FGF13: variants seen among roughly 807,000 people sequenced by gnomAD.
FGF13 encodes fibroblast growth factor 13.
In FGF13, 2 loss-of-function variants were observed where a neutral mutation model predicts 19.5. The observed-to-expected ratio is 0.10, with a 90% confidence interval of 0.04 to 0.32. FGF13 has a LOEUF of 0.32. Among genes scored for constraint, FGF13 ranks in the 10% least tolerant of loss-of-function variants. FGF13 has a pLI of 1.00. For synonymous variants in FGF13, 72 were observed against 76.9 expected (o/e 0.94, Z 0.33); for missense variants, 113 against 192.7 (o/e 0.59, Z 2.45).
chrX:139,036,552 C>A (rs2092251212), intron 1 of FGF13, among the ~76,000 whole-genome samples: 1 of 111,424 alleles, frequency 9.0e-6, no homozygotes, highest in African/African-American at 3.3e-5. Flanking sequence ...CACCCCACAT[C>A]CTTTTCCTCA....
intron 1 of FGF13, among the ~76,000 whole-genome samples, chrX:139,035,030 A>G (rs1223494398): frequency 1.8e-5 from 2 of 111,928 alleles, no homozygotes; most frequent in Middle Eastern, 4.2e-3. Context: ...CGCAGTATAA[A>G]CATCGCTTGG....
intron 3 of FGF13, among the ~76,000 whole-genome samples, chrX:138,823,097 G>T (rs1188747277): frequency 9.0e-6 from 1 of 111,691 alleles, no homozygotes; most frequent in Non-Finnish European, 1.9e-5. Flanking sequence ...AGGCGTGAAA[G>T]TTCACAGCCT....
chrX:138,979,604 A>G (rs1397401543), intron 1 of FGF13, among the ~76,000 whole-genome samples: 1 of 110,167 alleles, frequency 9.1e-6, no homozygotes, highest in Non-Finnish European at 1.9e-5. Context: ...CATACTTCTC[A>G]TCCTGAATTT....
chrX:139,033,044 A>AC (rs1206510661), intron 1 of FGF13, among the ~76,000 whole-genome samples: 2 of 102,641 alleles, frequency 1.9e-5, no homozygotes, highest in East Asian at 3.0e-4. Flanking sequence ...AAAAAAAAAA[A>AC]AAAAAAAAAA....
chrX:138,910,073 C>A (rs554973077), intron 1 of FGF13, among the ~76,000 whole-genome samples: 1 of 111,337 alleles, frequency 9.0e-6, no homozygotes, highest in Non-Finnish European at 1.9e-5. Context: ...AGAAGTTAAT[C>A]TAGCCCACCA....
chrX:138,920,034 T>A (rs781375451), intron 1 of FGF13, among the ~76,000 whole-genome samples: 4 of 111,574 alleles, frequency 3.6e-5, no homozygotes, highest in East Asian at 5.6e-4. Flanking sequence ...AAAAATTTTT[T>A]AAAAATTAAG....
intron 1 of FGF13, among the ~76,000 whole-genome samples, chrX:139,167,339 G>A (rs2084094984): frequency 9.0e-6 from 1 of 111,683 alleles, no homozygotes; most frequent in Non-Finnish European, 1.9e-5. Flanking sequence ...ATTTAATCAA[G>A]AGAAGATATA....
At chrX:138,770,767 C>T (rs967828331) in intron 3 of FGF13, among the ~76,000 whole-genome samples, 3 of 111,904 alleles carry the variant, frequency 2.7e-5, no homozygotes, top group African/African-American at 9.8e-5. Context: ...TTTTATGAAT[C>T]AGGGCCAAGA....
intron 3 of FGF13, among the ~76,000 whole-genome samples, chrX:138,771,604 C>T (rs1466859655): frequency 9.0e-6 from 1 of 110,995 alleles, no homozygotes; most frequent in East Asian, 2.8e-4. Flanking sequence ...CCTGGTACTT[C>T]CCCTCCAGAA....
In FGF13 at chrX:138,625,933, C is replaced by G. The variant is rs2089060014; in HGVS notation, c.*6917G>C. 1 of 110,703 alleles carries G rather than the reference C, an allele frequency of 9.0e-6. No homozygotes were observed. The highest frequency in any genetic ancestry group is 1.9e-5 in the Non-Finnish European group (1 of 52,898). 9.1% of individuals were successfully genotyped at this position (110,703 alleles called of 1,213,427 possible). ...ACTGCCCCTATAACTTGAGGAATTCCTTTTTGAGCAGGCAAAATACAGATT... is the reference window on the plus strand; with the variant it reads ...ACTGCCCCTATAACTTGAGGAATTCGTTTTTGAGCAGGCAAAATACAGATT... On this transcript the variant is annotated 3_prime_UTR_variant, in exon 5 of 5. Coordinates refer to ENST00000315930, the MANE Select transcript of FGF13 (RefSeq NM_004114.5).
At chrX:138,929,136 G>A (rs1265220236) in intron 1 of FGF13, among the ~76,000 whole-genome samples, 1 of 111,700 alleles carries the variant, frequency 9.0e-6, no homozygotes, top group African/African-American at 3.3e-5. Flanking sequence ...TCAGGACACA[G>A]GAATTCAAGT....
chrX:138,743,508 C>G (rs1208849599), upstream of FGF13, among the ~76,000 whole-genome samples: 1 of 110,928 alleles, frequency 9.0e-6, no homozygotes, highest in East Asian at 2.9e-4. Context: ...AAGAGCAAGC[C>G]CTTATGTAAT....
chrX:138,909,484 A>C (rs2124223053), intron 1 of FGF13, among the ~76,000 whole-genome samples: 1 of 112,161 alleles, frequency 8.9e-6, no homozygotes, highest in South Asian at 3.7e-4. Context: ...TTAGACCTGA[A>C]GTAGAGCCCA....
Position 138,624,164 on chromosome X carries a change from A to G in FGF13, c.*8686T>C, listed in dbSNP as rs1044073886. On this transcript the variant is annotated 3_prime_UTR_variant, in exon 5 of 5. Coordinates refer to ENST00000315930, the MANE Select transcript of FGF13 (RefSeq NM_004114.5). ...AGAAAGAAGTTTAGAACATTTCCTG[A>G]TTTCAAATTATATTGTAAAGCTATA... 1 of 111,745 alleles carries G rather than the reference A, an allele frequency of 8.9e-6. No homozygotes were observed. Among genetic ancestry groups the G allele is most frequent in the Non-Finnish European group, 1.9e-5 (1 of 53,082 alleles). The allele number at this position is 111,745 out of a possible 1,213,427, so 9.2% of individuals were successfully genotyped here. A position where few individuals can be genotyped will look rare whatever the true frequency, so the allele number is the denominator to read the frequency against.
chrX:138,649,363 C>T lies in FGF13; in HGVS notation c.403-13708G>A, dbSNP rs776395859. On this transcript the variant is annotated intron_variant, in intron 3 of 4. Transcript: ENST00000315930. ...TGCCCTTCAGTGAGAACACAGTTCT[C>T]AGAATCAAACTCCCTCACTAAGCTT... Among the ~76,000 whole-genome samples, 10 of 112,078 alleles carry T rather than the reference C, an allele frequency of 8.9e-5. No homozygotes were observed. The South Asian group carries it at 3.8e-3, about 42-fold the overall frequency.
chrX:139,062,361 A>G (rs2092339232), intron 1 of FGF13, among the ~76,000 whole-genome samples: 1 of 111,698 alleles, frequency 9.0e-6, no homozygotes, highest in Non-Finnish European at 1.9e-5. Context: ...TCAAAAATGA[A>G]TTGGTTGTAA....
At chrX:138,938,649 A>G (rs1461731030) in intron 1 of FGF13, among the ~76,000 whole-genome samples, 1 of 111,358 alleles carries the variant, frequency 9.0e-6, no homozygotes, top group African/African-American at 3.3e-5. Flanking sequence ...CATTCCATCC[A>G]TTATTAATAA....
At chrX:138,896,208 G>T (rs1339683770) in intron 1 of FGF13, among the ~76,000 whole-genome samples, 1 of 110,848 alleles carries the variant, frequency 9.0e-6, no homozygotes, top group African/African-American at 3.3e-5. Flanking sequence ...TAATTAGCTT[G>T]ATTAATCATT....
chrX:139,201,952 T>G (rs1199175438), intron 1 of FGF13, among the ~76,000 whole-genome samples: 1 of 112,408 alleles, frequency 8.9e-6, no homozygotes, highest in Non-Finnish European at 1.9e-5. Context: ...TAAAATTAAT[T>G]TATTCTAATT....
Sources: gnomAD v4.1 joint callset for allele counts (sites outside exome capture counted in the v4.1 genomes callset) on GRCh38, gnomAD v4.1.1 for gene constraint, MANE v1.5 for transcripts, NCBI Gene and HGNC (gene_info 2026-07-23, HGNC 2026-07-21) for gene names.